Variants in FLRT2 observed in about 807,000 individuals in gnomAD.
FLRT2 encodes leucine-rich repeat transmembrane protein FLRT2.
Under a neutral mutation model 40.0 loss-of-function variants are expected in FLRT2, and 15 were observed. The observed-to-expected ratio is 0.38, with a 90% CI of 0.25 to 0.58. FLRT2 has a LOEUF of 0.58. Among genes scored for constraint, FLRT2 ranks in the 20% least tolerant of loss-of-function variants. The pLI, the probability that FLRT2 is intolerant of heterozygous loss-of-function variation, is 0.71. For synonymous variants in FLRT2, 380 were observed against 336.8 expected (o/e 1.13, Z -1.41); for missense variants, 726 against 840.0 (o/e 0.86, Z 1.68).
At chr14:85,575,657 T>C (rs1401591918) in intron 1 of FLRT2, among the ~76,000 whole-genome samples, 2 of 152,098 alleles carry the variant, frequency 1.3e-5, no homozygotes, top group South Asian at 2.1e-4. Flanking sequence ...TTTTTTTCCA[T>C]AGGGCAAATG....
intron 1 of FLRT2, among the ~76,000 whole-genome samples, chr14:85,540,955 G>C (rs547123056): frequency 1.3e-5 from 2 of 152,248 alleles, no homozygotes; most frequent in African/African-American, 2.4e-5. Context: ...TGGGGAGTTA[G>C]TACGTGTTTA....
intron 1 of FLRT2, among the ~76,000 whole-genome samples, chr14:85,538,986 G>A (rs144252521): frequency 0.023 from 3,505 of 152,152 alleles, 53 homozygotes; most frequent in Non-Finnish European, 0.036. Flanking sequence ...ATAATGCAAG[G>A]AATTATAATA....
rs138307595 is a variant in FLRT2, at chr14:85,584,131, A to G, written c.-376-37008A>G. On this transcript the variant is annotated intron_variant, in intron 1 of 1. Transcript: ENST00000330753. ...GAGTTTGCAGGCTCAGGAAAGCTCTACAATTAAATTGCTCTATTGTTTTAA... is the reference window on the plus strand; with the variant it reads ...GAGTTTGCAGGCTCAGGAAAGCTCTGCAATTAAATTGCTCTATTGTTTTAA... Among the ~76,000 whole-genome samples the G allele has an allele frequency of 5.4e-3, 824 of 152,236 alleles. 10 individuals carry two copies. Among genetic ancestry groups the G allele is most frequent in the African/African-American group, 0.018 (747 of 41,542 alleles).
intron 1 of FLRT2, among the ~76,000 whole-genome samples, chr14:85,543,856 A>C (rs113475644): frequency 4.1e-4 from 62 of 152,148 alleles, no homozygotes; most frequent in African/African-American, 1.4e-3. Flanking sequence ...GCTTCTACAG[A>C]GTTTTGTTTG....
At chr14:85,571,965 T>C (rs946234565) in intron 1 of FLRT2, among the ~76,000 whole-genome samples, 6 of 152,084 alleles carry the variant, frequency 3.9e-5, no homozygotes, top group African/African-American at 1.2e-4. Context: ...TATTTTGGGG[T>C]CCAGAGCCTT....
rs1372611745 is a variant in FLRT2, at chr14:85,630,492, T to C, written c.*6995T>C. On this transcript the variant is annotated 3_prime_UTR_variant, in exon 2 of 2. Transcript: ENST00000330753. Reference sequence around the variant, plus strand: ...GGGCCTTTGTTGGTTTAGTTTTGATTTCATTCAGCAAATATTTACCGAGGC... The same window carrying C: ...GGGCCTTTGTTGGTTTAGTTTTGATCTCATTCAGCAAATATTTACCGAGGC... 6.6e-6 allele frequency: 1 copy of C among 152,150 alleles called. No homozygotes were observed. Among genetic ancestry groups the C allele is most frequent in the African/African-American group, 2.4e-5 (1 of 41,440 alleles). The allele number at this position is 152,150 out of a possible 1,614,324, so 9.4% of individuals were successfully genotyped here. A position where few individuals can be genotyped will look rare whatever the true frequency, so the allele number is the denominator to read the frequency against.
At chr14:85,540,022 G>A (rs1888893699) in intron 1 of FLRT2, among the ~76,000 whole-genome samples, 1 of 151,408 alleles carries the variant, frequency 6.6e-6, no homozygotes, top group South Asian at 2.1e-4. Flanking sequence ...TGAGTTCAAG[G>A]GTCAAACTTT....
chr14:85,534,749 A>G (rs899772616), intron 1 of FLRT2, among the ~76,000 whole-genome samples: 2 of 151,740 alleles, frequency 1.3e-5, no homozygotes, highest in African/African-American at 4.8e-5. Flanking sequence ...CGGAGAGAAG[A>G]CGGTCACGTT....
At chr14:85,560,419 A>G (rs1179126509) in intron 1 of FLRT2, among the ~76,000 whole-genome samples, 1 of 152,010 alleles carries the variant, frequency 6.6e-6, no homozygotes, top group African/African-American at 2.4e-5. Flanking sequence ...TACTAAAAAT[A>G]CAAAAATTAT....
At chr14:85,534,319 G>A (rs943367046) in intron 1 of FLRT2, among the ~76,000 whole-genome samples, 1 of 152,096 alleles carries the variant, frequency 6.6e-6, no homozygotes, top group Non-Finnish European at 1.5e-5. Context: ...TTCACTTACC[G>A]CACGCTCCCC....
chr14:85,623,488 C>A lies in FLRT2; in HGVS notation c.1974C>A (p.Cys658Ter). The A allele has an allele frequency of 2.1e-6, 3 of 1,432,502 alleles. No individual in the cohort carries two copies. The highest frequency in any genetic ancestry group is 2.7e-6 in the Non-Finnish European group (3 of 1,091,682). 88.7% of individuals were successfully genotyped at this position (1,432,502 alleles called of 1,614,324 possible). A position where few individuals can be genotyped will look rare whatever the true frequency, so the allele number is the denominator to read the frequency against. ...CNSSVPDLEHCHT is the reference protein window; with the variant it reads ...CNSSVPDLEH Reference sequence around the variant, plus strand: ...GCAGCGTGCCAGACCTGGAGCACTGCCATACGTGACAGCCAGAGGCCCAGC... The same window carrying A: ...GCAGCGTGCCAGACCTGGAGCACTGACATACGTGACAGCCAGAGGCCCAGC... The change falls in exon 2 of 2, where the codon TGC (cysteine) becomes TGA (stop). Residue 658 changes from cysteine to a stop codon, truncating the protein, a stop_gained. Transcript: ENST00000330753. LOFTEE classifies it high-confidence loss of function.
rs2139405940 is a variant in FLRT2, at chr14:85,646,668, G to C, written c.*23171G>C. On this transcript the variant is annotated 3_prime_UTR_variant, in exon 2 of 2. Coordinates refer to ENST00000330753, the MANE Select transcript of FLRT2 (RefSeq NM_013231.6). ...GTCTTGCTCTACCACCCAGGCTGGAGTGCAGTGGCACAATCTTGGCTCAAT... is the reference window on the plus strand; with the variant it reads ...GTCTTGCTCTACCACCCAGGCTGGACTGCAGTGGCACAATCTTGGCTCAAT... 6.6e-6 allele frequency: 1 copy of C among 152,230 alleles called. No homozygotes were observed. Among genetic ancestry groups the C allele is most frequent in the Middle Eastern group, 3.4e-3 (1 of 294 alleles). The allele number at this position is 152,230 out of a possible 1,614,324, so 9.4% of individuals were successfully genotyped here. A position where few individuals can be genotyped will look rare whatever the true frequency, so the allele number is the denominator to read the frequency against.
rs1329002223 is a variant in FLRT2, at chr14:85,645,119, G to A, written c.*21622G>A. On this transcript the variant is annotated 3_prime_UTR_variant, in exon 2 of 2. Transcript: ENST00000330753. Reference sequence around the variant, plus strand: ...CCAACCATAAAGTTGAGCTTGGGCAGCAGAACTCCTACATCAAGTAAAAAG... The same window carrying A: ...CCAACCATAAAGTTGAGCTTGGGCAACAGAACTCCTACATCAAGTAAAAAG... The A allele has an allele frequency of 6.6e-6, 1 of 151,232 alleles. No homozygotes were observed. Among genetic ancestry groups the A allele is most frequent in the African/African-American group, 2.5e-5 (1 of 40,732 alleles). The allele number at this position is 151,232 out of a possible 1,614,324, so 9.4% of individuals were successfully genotyped here.
rs1287784816 is a variant in FLRT2, at chr14:85,626,064, C to T, written c.*2567C>T. Reference sequence around the variant, plus strand: ...TGGAGGTGTTCCTGAAGAGATTGAACCTAGTAACAGGCTTTATTTTCACCT... The same window carrying T: ...TGGAGGTGTTCCTGAAGAGATTGAATCTAGTAACAGGCTTTATTTTCACCT... On this transcript the variant is annotated 3_prime_UTR_variant, in exon 2 of 2. Transcript: ENST00000330753. 1 of 166,992 alleles carries T rather than the reference C, an allele frequency of 6.0e-6. No homozygotes were observed. The allele number at this position is 166,992 out of a possible 1,614,324, so 10.3% of individuals were successfully genotyped here. A position where few individuals can be genotyped will look rare whatever the true frequency, so the allele number is the denominator to read the frequency against.
rs779957284 is a variant in FLRT2 at position 85,621,491 on chromosome 14, G to C, written c.-24G>C. 4 of 1,540,318 alleles carry C rather than the reference G, an allele frequency of 2.6e-6. No homozygotes were observed. The South Asian group carries it at 4.9e-5, about 19-fold the overall frequency. On this transcript the variant is annotated 5_prime_UTR_variant, in exon 2 of 2. Coordinates refer to ENST00000330753, the MANE Select transcript of FLRT2 (RefSeq NM_013231.6). ...TTCTTTTTCTTTTTCCCACCACATT[G>C]TATTTTATTTCCGTACTTCAGAAAT...
Position 85,639,753 on chromosome 14 carries a change from G to T in FLRT2, c.*16256G>T, listed in dbSNP as rs1894102346. The stretch of plus-strand genomic sequence containing the variant: ...GCTCTTACAATAAGTGATGGAATGA[G>T]CTTTGAAAACACAGGGCTTAGGATT... On this transcript the variant is annotated 3_prime_UTR_variant, in exon 2 of 2. Transcript: ENST00000330753. 6.6e-6 allele frequency: 1 copy of T among 151,786 alleles called. No individual in the cohort carries two copies. The highest frequency in any genetic ancestry group is 1.5e-5 in the Non-Finnish European group (1 of 67,986). The allele number at this position is 151,786 out of a possible 1,614,324, so 9.4% of individuals were successfully genotyped here.
Position 85,622,828 on chromosome 14 carries a change from A to G in FLRT2, c.1314A>G (p.Gln438=). 1.2e-6 allele frequency: 2 copies of G among 1,614,188 alleles called. No homozygotes were observed. The highest frequency in any genetic ancestry group is 1.7e-6 in the Non-Finnish European group (2 of 1,180,022). The change falls in exon 2 of 2, where the codon CAA becomes CAG. Residue 438 remains glutamine, a synonymous_variant. Transcript: ENST00000330753. ...ATTTTGTGAATGATACTTCCATTCA[A>G]GTCAGCTGGCTCTCTCTCTTCACCG... is the stretch of plus-strand genomic sequence containing the variant. ...SIHFVNDTSI[Q]VSWLSLFTVM...
At chr14:85,558,752 A>G (rs1355613262) in intron 1 of FLRT2, among the ~76,000 whole-genome samples, 3 of 152,218 alleles carry the variant, frequency 2.0e-5, no homozygotes, top group Non-Finnish European at 2.9e-5. Context: ...TTCCTGCTAC[A>G]TGATTCTTTT....
intron 1 of FLRT2, among the ~76,000 whole-genome samples, chr14:85,579,450 A>T (rs530641325): frequency 6.6e-6 from 1 of 151,556 alleles, no homozygotes; most frequent in African/African-American, 2.4e-5. Context: ...TTGGACATAA[A>T]CCCATTTCAT....
Sources: gnomAD v4.1 joint callset for allele counts (sites outside exome capture counted in the v4.1 genomes callset) on GRCh38, gnomAD v4.1.1 for gene constraint, MANE v1.5 for transcripts, NCBI Gene and HGNC (gene_info 2026-07-23, HGNC 2026-07-21) for gene names.